SDSL: variants seen among roughly 807,000 people sequenced by gnomAD.
The protein encoded by SDSL is serine dehydratase like, also known as serine dehydratase-like.
Under a neutral mutation model 27.6 loss-of-function variants are expected in SDSL, and 26 were observed. The observed-to-expected ratio is 0.94, with a 90% CI of 0.69 to 1.31. The LOEUF is 1.31. Ranked by LOEUF, SDSL falls within the 50% of genes most tolerant of loss-of-function variation. The probability of loss-of-function intolerance (pLI) is 0.00; values close to 1 mark genes in which losing one functional copy is unlikely to be tolerated. For missense variants in SDSL, 431 were observed against 423.5 expected (o/e 1.02, Z -0.16); for synonymous variants, 196 against 180.6 (o/e 1.09, Z -0.69).
rs981184943 is a variant in SDSL at position 113,425,517 on chromosome 12, C to T, written c.-21-2445C>T. ...GAGTGGGCAGGGGAAGTTGCAGCGC[C>T]CCCCCTAGCGGCCAATAATGGAATG... On this transcript the variant is annotated intron_variant, in intron 1 of 7. Coordinates refer to ENST00000403593, the MANE Select transcript of SDSL (RefSeq NM_001304993.2). The T allele has an allele frequency of 6.4e-5, 24 of 374,080 alleles. No homozygotes were observed. In the Middle Eastern group the frequency reaches 2.5e-3, roughly 39 times the overall value. 23.2% of individuals were successfully genotyped at this position (374,080 alleles called of 1,614,324 possible).
chr12:113,430,705 G>T (rs995286779), intron 4 of SDSL, among the ~76,000 whole-genome samples: 1 of 152,154 alleles, frequency 6.6e-6, no homozygotes, highest in Admixed American at 6.5e-5. Flanking sequence ...ATGGGGAGGG[G>T]ACATGTGCTC....
intron 1 of SDSL, chr12:113,426,129 G>T (rs1214394365): frequency 2.2e-6 from 1 of 454,536 alleles, no homozygotes; most frequent in Non-Finnish European, 4.4e-6. Context: ...CCACATCTCC[G>T]CCCTCACCCC....
chr12:113,434,913 G>A (rs1013695719), intron 5 of SDSL, among the ~76,000 whole-genome samples: 4 of 152,176 alleles, frequency 2.6e-5, no homozygotes, highest in Non-Finnish European at 5.9e-5. Context: ...TCAGGAGTTC[G>A]AGGCCAACCT....
At chr12:113,433,953 G>A (rs1458788062) in intron 4 of SDSL, among the ~76,000 whole-genome samples, 181 bp from the exon 5 acceptor site, 7 of 152,166 alleles carry the variant, frequency 4.6e-5, no homozygotes, top group East Asian at 1.9e-4. Context: ...CTGTTTGTCC[G>A]CCTGGAAGTG....
chr12:113,434,685 C>T (rs1277503987), intron 5 of SDSL, among the ~76,000 whole-genome samples: 1 of 152,246 alleles, frequency 6.6e-6, no homozygotes, highest in Non-Finnish European at 1.5e-5. Context: ...AAGTGATACA[C>T]TTGTCCCCTC....
rs760873629 is a variant in SDSL at position 113,437,984 on chromosome 12, C to G, written c.895C>G (p.Pro299Ala). Residue 299 changes from proline (P) to alanine (A), a missense_variant, in exon 8 of 8, where the codon CCT becomes GCT. Pro to Ala is a conservative substitution (Grantham distance 27). Coordinates refer to ENST00000403593, the MANE Select transcript of SDSL (RefSeq NM_001304993.2). ...GCTCCAGGCCGAGGGCTGCCTGCCC[C>G]CTTCCCTGACTTCAGTTGTGGTAAT... ...RRLQAEGCLP[P>A]SLTSVVVIVC... 2.5e-6 allele frequency: 4 copies of G among 1,614,072 alleles called. No individual in the cohort carries two copies. Among genetic ancestry groups the G allele is most frequent in the Admixed American group, 1.7e-5 (1 of 60,008 alleles).
chr12:113,425,787 G>A (rs138447119), intron 1 of SDSL: 215 of 446,914 alleles, frequency 4.8e-4, no homozygotes, highest in African/African-American at 3.8e-3. Flanking sequence ...GAGCTCAGGA[G>A]TTTGAGACCA....
At chr12:113,428,870 T>C (rs1237853042) in intron 3 of SDSL, among the ~76,000 whole-genome samples, 1 of 151,530 alleles carries the variant, frequency 6.6e-6, no homozygotes, top group East Asian at 1.9e-4. Flanking sequence ...CTCCCAACCC[T>C]AGGGAAAAGG....
chr12:113,425,853 G>T (rs1050566295), intron 1 of SDSL: 2 of 396,656 alleles, frequency 5.0e-6, no homozygotes, highest in Non-Finnish European at 5.0e-6. Flanking sequence ...ATCAGGCGTG[G>T]TGACGTGTGC....
At chr12:113,426,137 C>T (rs944889388) in intron 1 of SDSL, 3 of 455,692 alleles carry the variant, frequency 6.6e-6, no homozygotes, top group African/African-American at 4.0e-5. Flanking sequence ...CCGCCCTCAC[C>T]CCCTACCCTC....
At chr12:113,428,291 C>A in intron 2 of SDSL, 129 bp from the exon 3 acceptor site, 1 of 1,307,228 alleles carries the variant, frequency 7.6e-7, no homozygotes, top group Non-Finnish European at 1.1e-6. Flanking sequence ...AAGGTAAGGG[C>A]AGGGCTGTGG....
intron 4 of SDSL, among the ~76,000 whole-genome samples, chr12:113,432,212 CTTTCTTTCTT>C: frequency 9.8e-4 from 1 of 1,024 alleles, no homozygotes; most frequent in East Asian, 0.016. Flanking sequence ...TTGTTTGCTT[CTTTCTTTCTT>C]TCTTTCTTTC....
Position 113,428,032 on chromosome 12 carries a change from T to C in SDSL, c.50T>C (p.Val17Ala). The change falls in exon 2 of 8, where the codon GTC becomes GCC. Residue 17 changes from valine to alanine, a missense_variant. Coordinates refer to ENST00000403593, the MANE Select transcript of SDSL (RefSeq NM_001304993.2). ...EHAKQEPFHV[V>A]TPLLESWALS... ...GCCAAGCAGGAGCCCTTTCACGTGG[T>C]CACACCTCTGTTGGAGAGCTGGGCG... The C allele has an allele frequency of 1.2e-6, 2 of 1,613,908 alleles. No individual in the cohort carries two copies. The highest frequency in any genetic ancestry group is 1.7e-6 in the Non-Finnish European group (2 of 1,179,926).
Position 113,434,134 on chromosome 12 carries a change from G to T in SDSL, c.355G>T (p.Val119Phe). ...EGAEVQLTGK[V>F]WDEANLRAQE... is the part of the protein sequence containing the mutation. The stretch of plus-strand genomic sequence containing the variant: ...CTGAGGGCCCTTGGTTTCTCTGTAG[G>T]TCTGGGACGAGGCCAATCTGAGGGC... Residue 119 changes from valine (V) to phenylalanine (F), a missense_variant and splice_region_variant, in exon 5 of 8, where the codon GTC becomes TTC. Physicochemically the swap from Val to Phe is conservative, Grantham distance 50. Coordinates refer to ENST00000403593, the MANE Select transcript of SDSL (RefSeq NM_001304993.2). 2 of 1,613,430 alleles carry T rather than the reference G, an allele frequency of 1.2e-6. No individual in the cohort carries two copies. The highest frequency in any genetic ancestry group is 1.7e-6 in the Non-Finnish European group (2 of 1,179,652).
intron 1 of SDSL, chr12:113,422,710 C>T (rs1055039943): frequency 5.9e-5 from 9 of 152,432 alleles, no homozygotes; most frequent in African/African-American, 2.2e-4. Context: ...TGGGTTCTGC[C>T]TGCCAGAGGG....
intron 1 of SDSL, among the ~76,000 whole-genome samples, chr12:113,424,496 T>C (rs542613168): frequency 6.6e-6 from 1 of 152,334 alleles, no homozygotes; most frequent in East Asian, 1.9e-4. Context: ...TAAGTGCCCA[T>C]CTCATCAGGC....
chr12:113,425,951 T>A (rs1957844548), intron 1 of SDSL: 1 of 370,070 alleles, frequency 2.7e-6, no homozygotes, highest in East Asian at 7.3e-5. Flanking sequence ...ATTGCACCAC[T>A]GCACTCCAGC....
Position 113,429,751 on chromosome 12 carries a change from T to C in SDSL, c.354+452T>C, listed in dbSNP as rs1957896946. Reference sequence around the variant, plus strand: ...GTTACCAAAGAAATAGAGACACAGATACAAAATCTGTCTTTCCTTCTGTGA... The same window carrying C: ...GTTACCAAAGAAATAGAGACACAGACACAAAATCTGTCTTTCCTTCTGTGA... On this transcript the variant is annotated intron_variant, in intron 4 of 7. Transcript: ENST00000403593. Among the ~76,000 whole-genome samples, 3 of 152,082 alleles carry C rather than the reference T, an allele frequency of 2.0e-5. No individual in the cohort carries two copies. In the South Asian group the frequency reaches 6.2e-4, roughly 32 times the overall value.
rs952266446 is a variant in SDSL, at chr12:113,438,034, C to A, written c.945C>A (p.Asn315Lys). The A allele has an allele frequency of 2.5e-6, 4 of 1,614,032 alleles. No homozygotes were observed. In the African/African-American group the frequency reaches 5.3e-5, roughly 22 times the overall value. Reference sequence around the variant, plus strand: ...TCGTGTGTGGAGGCAACAACATCAACAGCCGAGAGCTGCAGGCTTTGAAAA... The same window carrying A: ...TCGTGTGTGGAGGCAACAACATCAAAAGCCGAGAGCTGCAGGCTTTGAAAA... ...VVIVCGGNNI[N>K]SRELQALKTH... The change falls in exon 8 of 8, where the codon AAC (asparagine) becomes AAA (lysine). Residue 315 changes from asparagine to lysine, a missense_variant. Transcript: ENST00000403593.
Sources: gnomAD v4.1 joint callset for allele counts (sites outside exome capture counted in the v4.1 genomes callset) on GRCh38, gnomAD v4.1.1 for gene constraint, MANE v1.5 for transcripts, NCBI Gene and HGNC (gene_info 2026-07-23, HGNC 2026-07-21) for gene names.